ZC3H4: variants seen among roughly 807,000 people sequenced by gnomAD.
ZC3H4 encodes the protein zinc finger CCCH-type containing 4.
Under a neutral mutation model 108.3 loss-of-function variants are expected in ZC3H4, and 13 were observed. That is an observed-to-expected ratio of 0.12 (90% CI 0.08 to 0.19). The LOEUF is 0.19. Among genes scored for constraint, ZC3H4 ranks in the 10% least tolerant of loss-of-function variants. The pLI, the probability that ZC3H4 is intolerant of heterozygous loss-of-function variation, is 1.00. For missense variants in ZC3H4, 1,734 were observed against 1,838.8 expected, an observed-to-expected ratio of 0.94 and a Z score of 1.04; for synonymous variants, 917 against 749.6, an observed-to-expected ratio of 1.22 and a Z score of -3.65.
chr19:47,097,675 C>T (rs893000060), intron 2 of ZC3H4, among the ~76,000 whole-genome samples: 1 of 152,192 alleles, frequency 6.6e-6, no homozygotes, highest in African/African-American at 2.4e-5. Flanking sequence ...TAACAGACTG[C>T]CGGCAAAATC....
intron 2 of ZC3H4, among the ~76,000 whole-genome samples, chr19:47,099,014 T>C (rs2057865765): frequency 6.6e-6 from 1 of 152,034 alleles, no homozygotes; most frequent in Non-Finnish European, 1.5e-5. Flanking sequence ...GAAGGTTAAA[T>C]GAAATAATAG....
chr19:47,107,088 G>A (rs2057977182), intron 2 of ZC3H4, among the ~76,000 whole-genome samples: 2 of 152,148 alleles, frequency 1.3e-5, no homozygotes, highest in Non-Finnish European at 2.9e-5. Flanking sequence ...GACCATTTGA[G>A]CATCCATAAA....
At chr19:47,082,394 A>G in intron 9 of ZC3H4, 99 bp from the exon 10 acceptor site, 1 of 900,132 alleles carries the variant, frequency 1.1e-6, no homozygotes, top group Non-Finnish European at 1.8e-6. Flanking sequence ...TGGTGCATGG[A>G]GGGGCCAATG....
chr19:47,093,513 A>T (rs1052111270), intron 4 of ZC3H4, among the ~76,000 whole-genome samples: 3 of 152,178 alleles, frequency 2.0e-5, no homozygotes, highest in African/African-American at 7.2e-5. Context: ...GCTCGAGAAC[A>T]TGCCTCATGG....
In ZC3H4 at chr19:47,067,281, G is replaced by T. The variant is rs1463245028; in HGVS notation, c.2987C>A (p.Pro996His). The change falls in exon 15 of 15, where the codon CCC becomes CAC. Residue 996 changes from proline to histidine, a missense_variant. By Grantham distance (77) the Pro-to-His change is moderately conservative. Around this residue, in one of 9 missense-constraint regions of ZC3H4, gnomAD observed 518 missense variants for 499.6 expected, o/e 1.04. Coordinates refer to ENST00000253048, the MANE Select transcript of ZC3H4 (RefSeq NM_015168.2). The surrounding 1 kb of genome is among the most constrained non-coding windows in gnomAD (Gnocchi z 6.4). ...GGATTGCAGGGCCGCGGGCACGGGG[G>T]GCACTGCGTCCTGCTTGGGGATGGG... ...PLPIPKQDAVPPVPAALQSMP... is the reference protein window; with the variant it reads ...PLPIPKQDAVHPVPAALQSMP... The T allele has an allele frequency of 6.3e-7, 1 of 1,589,444 alleles. No homozygotes were observed. Among genetic ancestry groups the T allele is most frequent in the South Asian group, 1.1e-5 (1 of 87,526 alleles).
At chr19:47,075,420 C>A (rs988843275) in intron 11 of ZC3H4, among the ~76,000 whole-genome samples, 1 of 152,114 alleles carries the variant, frequency 6.6e-6, no homozygotes, top group Non-Finnish European at 1.5e-5. Context: ...GGGGCCATGG[C>A]TTGCGCTGCA....
Sources: allele counts gnomAD v4.1 joint callset (sites outside exome capture counted in the v4.1 genomes callset), GRCh38; gene constraint gnomAD v4.1.1; regional missense constraint gnomAD v4.1.1; non-coding constraint Gnocchi (gnomAD v3.1); transcripts MANE v1.5; gene names NCBI Gene and HGNC (gene_info 2026-07-23, HGNC 2026-07-21).